P3H2: variants seen among roughly 807,000 people sequenced by gnomAD.
P3H2 encodes the protein prolyl 3-hydroxylase 2, also known as leprecan-like 1.
In P3H2, 80 loss-of-function variants were observed where a neutral mutation model predicts 87.0. The ratio of observed to expected loss-of-function variants is 0.92; its 90% CI spans 0.77 to 1.11. P3H2 has a LOEUF of 1.11. Ranked by LOEUF, P3H2 falls within the 50% of genes least tolerant of loss-of-function variation. The pLI, the probability that P3H2 is intolerant of heterozygous loss-of-function variation, is 0.00. For synonymous variants in P3H2, 367 were observed against 359.3 expected, an observed-to-expected ratio of 1.02 and a Z score of -0.24; for missense variants, 1,001 against 923.9, an observed-to-expected ratio of 1.08 and a Z score of -1.08.
Position 189,974,600 on chromosome 3 carries a change from G to C in P3H2, c.1410C>G (p.Val470=). ...GCTCCCGGCACTGTTCTTCCGACAG[G>C]ACGTTATCCAGGAGAACCCGCTGAG... The part of the protein sequence containing the change: ...NGTQRVLLDN[V]LSEEQCRELH... Residue 470 remains valine (V), a synonymous_variant, in exon 9 of 15, where the codon GTC becomes GTG. Coordinates refer to ENST00000319332, the MANE Select transcript of P3H2 (RefSeq NM_018192.4). The C allele has an allele frequency of 6.2e-7, 1 of 1,614,140 alleles. No individual in the cohort carries two copies. The highest frequency in any genetic ancestry group is 8.5e-7 in the Non-Finnish European group (1 of 1,180,036).
At chr3:190,039,537 TTTTATTTAAAA>T (rs1403283480) in intron 1 of P3H2, among the ~76,000 whole-genome samples, 16 of 152,202 alleles carry the variant, frequency 1.1e-4, no homozygotes, top group African/African-American at 3.6e-4. Flanking sequence ...CCGTTGAACC[TTTTATTTAAAA>T]ACATGTGTTA....
At chr3:190,001,754 C>T (rs149941285) in intron 1 of P3H2, among the ~76,000 whole-genome samples, 2 of 150,726 alleles carry the variant, frequency 1.3e-5, no homozygotes, top group Admixed American at 6.6e-5. Flanking sequence ...TGTGTATACA[C>T]TCATATACAT....
At chr3:190,023,000 G>GT (rs1399466601) in intron 1 of P3H2, among the ~76,000 whole-genome samples, 1 of 151,614 alleles carries the variant, frequency 6.6e-6, no homozygotes, top group East Asian at 1.9e-4. Flanking sequence ...CTAATTTTTT[G>GT]TATTTTTAGT....
upstream of P3H2, chr3:190,120,924 T>A: frequency 1.2e-6 from 1 of 804,168 alleles, no homozygotes; most frequent in Non-Finnish European, 1.8e-6. Context: ...CAGCCGCTCT[T>A]AAAGGGACGC....
At chr3:190,066,310 A>G (rs2108969876) in intron 1 of P3H2, among the ~76,000 whole-genome samples, 1 of 152,154 alleles carries the variant, frequency 6.6e-6, no homozygotes, top group South Asian at 2.1e-4. Flanking sequence ...TCAGCCATAA[A>G]AAGGAATGAA....
rs1304346802 is a variant in P3H2 at position 190,032,838 on chromosome 3, T to C, written c.481-37396A>G. On this transcript the variant is annotated intron_variant, in intron 1 of 14. Coordinates refer to ENST00000319332, the MANE Select transcript of P3H2 (RefSeq NM_018192.4). ...ATTTTTCCATGCACCACGGTGGGGA[T>C]TGTGAGGAGGTAGGGTAGGGCGATG... 2.6e-5 allele frequency among the ~76,000 whole-genome samples: 4 copies of C among 152,086 alleles called. No individual in the cohort carries two copies. The South Asian group carries it at 8.3e-4, about 32-fold the overall frequency.
At chr3:190,025,937 AAAT>A (rs2108943928) in intron 1 of P3H2, among the ~76,000 whole-genome samples, 1 of 152,332 alleles carries the variant, frequency 6.6e-6, no homozygotes, top group South Asian at 2.1e-4. Context: ...TTAAAGACCA[AAAT>A]AATAAGTGTT....
intron 1 of P3H2, among the ~76,000 whole-genome samples, chr3:190,081,975 C>T (rs192385069): frequency 4.6e-5 from 7 of 152,160 alleles, no homozygotes; most frequent in East Asian, 1.9e-4. Context: ...AGCTTGTGGC[C>T]GGGCACAATG....
intron 1 of P3H2, among the ~76,000 whole-genome samples, chr3:190,025,382 TG>T (rs1725057062): frequency 6.6e-6 from 1 of 152,184 alleles, no homozygotes; most frequent in Non-Finnish European, 1.5e-5. Context: ...ATAAGTAGCA[TG>T]GTGAGTTAGT....
rs180736685 is a variant in P3H2, at chr3:190,114,751, G to A, written c.480+5501C>T. 7.4e-3 allele frequency among the ~76,000 whole-genome samples: 1,130 copies of A among 152,162 alleles called. 6 individuals are homozygous for A. Among genetic ancestry groups the A allele is most frequent in the Admixed American group, 0.011 (165 of 15,288 alleles). ...AGTGTTCAGTTGTTAAAGAGAGGGG[G>A]GAAAAGCTTCATCTTTTGAGGAAAT... On this transcript the variant is annotated intron_variant, in intron 1 of 14. Transcript: ENST00000319332.
intron 8 of P3H2, among the ~76,000 whole-genome samples, chr3:189,980,145 C>T (rs560907451): frequency 3.3e-5 from 5 of 152,202 alleles, no homozygotes; most frequent in South Asian, 2.1e-4. Flanking sequence ...AGGAATAATA[C>T]AAAATACTAA....
At chr3:190,007,909 G>A (rs1724437406) in intron 1 of P3H2, among the ~76,000 whole-genome samples, 2 of 132,962 alleles carry the variant, frequency 1.5e-5, no homozygotes, top group African/African-American at 5.5e-5. Context: ...CTTCTAGTCT[G>A]CTTCAGACTG....
chr3:190,006,359 G>A (rs1218500398), intron 1 of P3H2, among the ~76,000 whole-genome samples: 2 of 152,172 alleles, frequency 1.3e-5, no homozygotes, highest in Non-Finnish European at 2.9e-5. Flanking sequence ...CTACCTCTTC[G>A]ATTAAAACAA....
chr3:189,995,430 C>A lies in P3H2; in HGVS notation c.493G>T (p.Glu165Ter), dbSNP rs756832334. The A allele has an allele frequency of 6.2e-7, 1 of 1,613,404 alleles. No individual in the cohort carries two copies. The highest frequency in any genetic ancestry group is 8.5e-7 in the Non-Finnish European group (1 of 1,179,938). Residue 165 changes from glutamate to a stop codon, truncating the protein, a stop_gained, in exon 2 of 15, where the codon GAA (glutamate) becomes TAA (stop). Transcript: ENST00000319332. LOFTEE classifies it high-confidence loss of function. ...QRAYIKLNQL[E>*]KAVEAAHTFF... Reference sequence around the variant, plus strand: ...GTGTGAGCTGCTTCCACTGCTTTTTCGAGCTGGTTAAGCTAAAGAGAAAAA... The same window carrying A: ...GTGTGAGCTGCTTCCACTGCTTTTTAGAGCTGGTTAAGCTAAAGAGAAAAA...
chr3:190,054,795 T>C (rs565544211), intron 1 of P3H2, among the ~76,000 whole-genome samples: 4 of 152,134 alleles, frequency 2.6e-5, no homozygotes, highest in Admixed American at 2.6e-4. Flanking sequence ...CTTCATTCAG[T>C]ATTATGAGTA....
Position 189,974,631 on chromosome 3 carries a change from T to C in P3H2, c.1379A>G (p.Asn460Ser). 6.2e-7 allele frequency: 1 copy of C among 1,614,170 alleles called. No homozygotes were observed. The highest frequency in any genetic ancestry group is 8.5e-7 in the Non-Finnish European group (1 of 1,180,022). ...ATCCAGGAGAACCCGCTGAGTCCCG[T>C]TCAGCTGCTCCGAGTTGTAGACGAA... is the stretch of plus-strand genomic sequence containing the variant. ...ITFVYNSEQL[N>S]GTQRVLLDNV... is the part of the protein sequence containing the mutation. Residue 460 changes from asparagine to serine, a missense_variant, in exon 9 of 15, where the codon AAC becomes AGC. Physicochemically the swap from Asn to Ser is conservative, Grantham distance 46. Coordinates refer to ENST00000319332, the MANE Select transcript of P3H2 (RefSeq NM_018192.4).
Position 190,022,729 on chromosome 3 carries a change from G to A in P3H2, c.481-27287C>T, listed in dbSNP as rs1299882355. 3.8e-5 allele frequency among the ~76,000 whole-genome samples: 3 copies of A among 78,230 alleles called. 1 individual carries two copies. Among genetic ancestry groups the A allele is most frequent in the Non-Finnish European group, 6.3e-5 (2 of 31,654 alleles). The allele number at this position is 78,230 out of a possible 152,430, so 51.3% of individuals were successfully genotyped here. A position where few individuals can be genotyped will look rare whatever the true frequency, so the allele number is the denominator to read the frequency against. On this transcript the variant is annotated intron_variant, in intron 1 of 14. Transcript: ENST00000319332. ...CATTAGGCAGTGGTTATCAAATTCT[G>A]TTATGCCTCAGAATCACCTAGGGGT...
At chr3:190,107,352 TAGA>T (rs887566172) in intron 1 of P3H2, among the ~76,000 whole-genome samples, 49 of 152,350 alleles carry the variant, frequency 3.2e-4, no homozygotes, top group African/African-American at 7.5e-4. Flanking sequence ...GCTGTGTGAA[TAGA>T]AGATTTTCTT....
chr3:189,974,777 T>C, intron 8 of P3H2, 92 bp from the exon 9 acceptor site: 1 of 1,410,764 alleles, frequency 7.1e-7, no homozygotes, highest in South Asian at 1.2e-5. Flanking sequence ...GCAATTCGAG[T>C]GAGTCCATTT....
Sources: gnomAD v4.1 joint callset for allele counts (sites outside exome capture counted in the v4.1 genomes callset) on GRCh38, gnomAD v4.1.1 for gene constraint, MANE v1.5 for transcripts, NCBI Gene and HGNC (gene_info 2026-07-23, HGNC 2026-07-21) for gene names.